Variants in GRAMD2A observed in about 807,000 individuals in gnomAD.
The protein encoded by GRAMD2A is GRAM domain containing 2A, also known as GRAM domain-containing protein 2A.
GRAMD2A carries 37 observed loss-of-function variants against 51.1 expected under a neutral mutation model. That is an observed-to-expected ratio of 0.72 (90% CI 0.56 to 0.95). The LOEUF (loss-of-function observed/expected upper bound fraction) is 0.95, where lower values mean the gene tolerates loss of function less well. GRAMD2A is among the 40% of genes least tolerant of loss of function. GRAMD2A has a pLI of 0.00. For missense variants in GRAMD2A, 414 were observed against 426.9 expected (o/e 0.97, Z 0.27); for synonymous variants, 136 against 157.1 (o/e 0.87, Z 1.01).
At position 72,166,322 on chromosome 15, in the gene GRAMD2A, C is replaced by T. The variant is rs978272207; in HGVS notation, c.543+310G>A. ...TACGATGTTCTGTAGGTGATGTGTA[C>T]CTCTATTAAACACATTTTTGACTTA... On this transcript the variant is annotated intron_variant, in intron 7 of 11. Coordinates refer to ENST00000309731, the MANE Select transcript of GRAMD2A (RefSeq NM_001012642.3). This position sits in a 1 kb window ranked among gnomAD's most constrained non-coding sequence, Gnocchi z 4.1. 2.0e-5 allele frequency among the ~76,000 whole-genome samples: 3 copies of T among 152,248 alleles called. No individual in the cohort carries two copies. Among genetic ancestry groups the T allele is most frequent in the East Asian group, 1.9e-4 (1 of 5,190 alleles).
In GRAMD2A at chr15:72,167,954, G is replaced by T; in HGVS notation, c.269-115C>A. On this transcript the variant is annotated intron_variant, in intron 4 of 11. Transcript: ENST00000309731. ...CCAGCCTCAGGACCTGTCTTCCTCA[G>T]ACTCCCCCTTCCCCACCGCAGGCCC... 11 of 732,044 alleles carry T rather than the reference G, an allele frequency of 1.5e-5. No homozygotes were observed. In the Middle Eastern group the frequency reaches 2.4e-3, roughly 157 times the overall value. The allele number at this position is 732,044 out of a possible 1,614,324, so 45.3% of individuals were successfully genotyped here. A position where few individuals can be genotyped will look rare whatever the true frequency, so the allele number is the denominator to read the frequency against.
chr15:72,163,717 G>A lies in GRAMD2A; in HGVS notation c.641C>T (p.Pro214Leu), dbSNP rs2081508196. 1 of 1,609,286 alleles carries A rather than the reference G, an allele frequency of 6.2e-7. No individual in the cohort carries two copies. The highest frequency in any genetic ancestry group is 8.5e-7 in the Non-Finnish European group (1 of 1,178,798). The change falls in exon 9 of 12, where the codon CCT becomes CTT. Residue 214 changes from proline (P) to leucine (L), a missense_variant. Physicochemically the swap from Pro to Leu is moderately conservative, Grantham distance 98 (BLOSUM62 -3). Transcript: ENST00000309731. The part of the protein sequence containing the change: ...IPEMKWRKVC[P>L]SSRSLSLPDN... Reference sequence around the variant, plus strand: ...TGGGAGAGACAGGGACCTGGAGGAAGGGCATACCTTTCTCCACTTCATCTC... The same window carrying A: ...TGGGAGAGACAGGGACCTGGAGGAAAGGCATACCTTTCTCCACTTCATCTC...
At chr15:72,183,318 C>T (rs1438718327) in intron 1 of GRAMD2A, among the ~76,000 whole-genome samples, 1 of 150,372 alleles carries the variant, frequency 6.7e-6, no homozygotes, top group Non-Finnish European at 1.5e-5. Flanking sequence ...AGATGGAGAC[C>T]AGCCTGGCCA....
chr15:72,194,110 T>C (rs2140562814), intron 1 of GRAMD2A, among the ~76,000 whole-genome samples: 1 of 152,346 alleles, frequency 6.6e-6, no homozygotes, highest in East Asian at 1.9e-4. Flanking sequence ...ACTGATGCCC[T>C]GAAGTCCAGG....
chr15:72,197,294 G>A (rs2081814198), intron 1 of GRAMD2A, among the ~76,000 whole-genome samples: 1 of 152,232 alleles, frequency 6.6e-6, no homozygotes, highest in Non-Finnish European at 1.5e-5. Context: ...GGCCCTCCAG[G>A]GGACGCAGGG....
rs1389977918 is a variant in GRAMD2A, at chr15:72,172,293, AT to A, written c.42-2355del. The stretch of plus-strand genomic sequence containing the variant: ...TCCACCATGCCGGGCTAAGGTTTTC[AT>A]TTTTTTTGTAGACAGCGGGGGTCTC... On this transcript the variant is annotated intron_variant, in intron 1 of 11. Coordinates refer to ENST00000309731, the MANE Select transcript of GRAMD2A (RefSeq NM_001012642.3). 6.6e-5 allele frequency among the ~76,000 whole-genome samples: 10 copies of A among 150,584 alleles called. No individual in the cohort carries two copies. The South Asian group carries it at 1.3e-3, about 19-fold the overall frequency.
At chr15:72,194,639 G>A (rs576054116) in intron 1 of GRAMD2A, among the ~76,000 whole-genome samples, 1 of 152,192 alleles carries the variant, frequency 6.6e-6, no homozygotes, top group African/African-American at 2.4e-5. Flanking sequence ...TTAGCTGGAA[G>A]TAATGGAGAT....
intron 2 of GRAMD2A, chr15:72,169,275 T>C (rs2081583267): frequency 7.6e-6 from 4 of 528,710 alleles, no homozygotes; most frequent in Non-Finnish European, 1.4e-5. Flanking sequence ...GTGCGCCTGG[T>C]CTCCCAGAGA....
chr15:72,171,984 T>G (rs1367661483), intron 1 of GRAMD2A, among the ~76,000 whole-genome samples: 1 of 148,296 alleles, frequency 6.7e-6, no homozygotes, highest in East Asian at 2.0e-4. Context: ...CGTGTGTCAC[T>G]GTGCCTAATT....
chr15:72,180,514 G>A (rs1355710620), intron 1 of GRAMD2A, among the ~76,000 whole-genome samples: 1 of 152,266 alleles, frequency 6.6e-6, no homozygotes, highest in Non-Finnish European at 1.5e-5. Context: ...CCCCCACTCA[G>A]GGCTGCCAGG....
At chr15:72,172,971 C>G (rs16953770) in intron 1 of GRAMD2A, among the ~76,000 whole-genome samples, 4,178 of 152,158 alleles carry the variant, frequency 0.027, 157 homozygotes, top group East Asian at 0.18. Context: ...GTGGGCCTGG[C>G]AGTGAATCCA....
At position 72,161,898 on chromosome 15, in the gene GRAMD2A, C is replaced by T. The variant is rs1412132740; in HGVS notation, c.*111G>A. 1 of 1,114,188 alleles carries T rather than the reference C, an allele frequency of 9.0e-7. No homozygotes were observed. The highest frequency in any genetic ancestry group is 1.4e-6 in the Non-Finnish European group (1 of 725,458). The allele number at this position is 1,114,188 out of a possible 1,614,324, so 69.0% of individuals were successfully genotyped here. On this transcript the variant is annotated 3_prime_UTR_variant, in exon 12 of 12. Transcript: ENST00000309731. ...AGGAGGGATCTGGAATATTTTCCTT[C>T]ATAGGCAGTCTTAGCACAGCAGCAG... is the stretch of plus-strand genomic sequence containing the variant.
chr15:72,196,380 G>C (rs1318639211), intron 1 of GRAMD2A, among the ~76,000 whole-genome samples: 1 of 151,976 alleles, frequency 6.6e-6, no homozygotes, highest in Non-Finnish European at 1.5e-5. Context: ...GCTGGGCGTG[G>C]TGGTGGGCAC....
intron 8 of GRAMD2A, 41 bp downstream of exon 8, chr15:72,165,313 C>G (rs748985740): frequency 6.3e-7 from 1 of 1,595,634 alleles, no homozygotes; most frequent in Non-Finnish European, 8.6e-7. Flanking sequence ...GCTCCAGGCA[C>G]TGTCAGTCCA....
intron 1 of GRAMD2A, among the ~76,000 whole-genome samples, chr15:72,180,272 C>T (rs536822157): frequency 6.6e-5 from 10 of 152,344 alleles, no homozygotes; most frequent in South Asian, 4.1e-4. Flanking sequence ...CCATCATGCC[C>T]GCTGCTGGAG....
At chr15:72,175,073 A>G (rs2081642954) in intron 1 of GRAMD2A, among the ~76,000 whole-genome samples, 1 of 151,800 alleles carries the variant, frequency 6.6e-6, no homozygotes, top group Non-Finnish European at 1.5e-5. Flanking sequence ...CCTCCTTGGC[A>G]TCCAATGTCT....
At chr15:72,186,371 C>G (rs1344108404) in intron 1 of GRAMD2A, among the ~76,000 whole-genome samples, 1 of 151,296 alleles carries the variant, frequency 6.6e-6, no homozygotes, top group Non-Finnish European at 1.5e-5. Flanking sequence ...ATCACCCAGG[C>G]TGGAGTACAG....
chr15:72,182,609 CT>C (rs1315898826), intron 1 of GRAMD2A, among the ~76,000 whole-genome samples: 1 of 152,132 alleles, frequency 6.6e-6, no homozygotes, highest in Admixed American at 6.5e-5. Flanking sequence ...TGCAAATCAT[CT>C]GTCTGATAAG....
chr15:72,162,188 T>C, intron 11 of GRAMD2A, 85 bp downstream of exon 11: 1 of 1,365,884 alleles, frequency 7.3e-7, no homozygotes, highest in African/African-American at 1.4e-5. Flanking sequence ...CAGGACCAAG[T>C]CCAGCCAGGC....
Sources: gnomAD v4.1 joint callset for allele counts (sites outside exome capture counted in the v4.1 genomes callset) on GRCh38, gnomAD v4.1.1 for gene constraint, Gnocchi (gnomAD v3.1) non-coding constraint, MANE v1.5 for transcripts, NCBI Gene and HGNC (gene_info 2026-07-23, HGNC 2026-07-21) for gene names.